The following GIGYF2 variants were observed in gnomAD, a reference collection of about 807,000 sequenced individuals.
The protein encoded by GIGYF2 is GRB10-interacting GYF protein 2.
In GIGYF2, 25 loss-of-function variants were observed where a neutral mutation model predicts 208.1. The observed-to-expected ratio is 0.12, with a 90% CI of 0.09 to 0.17. GIGYF2 has a LOEUF of 0.17. GIGYF2 is among the 10% of genes least tolerant of loss of function. The pLI, the probability that GIGYF2 is intolerant of heterozygous loss-of-function variation, is 1.00. For synonymous variants in GIGYF2, 534 were observed against 543.8 expected, an observed-to-expected ratio of 0.98 and a Z score of 0.25; for missense variants, 1,302 against 1,579.4, an observed-to-expected ratio of 0.82 and a Z score of 2.98.
chr2:232,735,349 T>G, intron 3 of GIGYF2, 111 bp downstream of exon 3: 1 of 772,510 alleles, frequency 1.3e-6, no homozygotes, highest in African/African-American at 1.7e-5. Flanking sequence ...AACTTTTGCT[T>G]TATGTGCCTC....
At chr2:232,794,986 C>A in intron 13 of GIGYF2, 42 bp downstream of exon 13, 2 of 1,407,330 alleles carry the variant, frequency 1.4e-6, no homozygotes, top group Non-Finnish European at 2.0e-6. Flanking sequence ...CTTAAACTGC[C>A]GTAAGAATTA....
At chr2:232,743,792 A>G (rs1698053602) in intron 3 of GIGYF2, among the ~76,000 whole-genome samples, 1 of 152,164 alleles carries the variant, frequency 6.6e-6, no homozygotes, top group Non-Finnish European at 1.5e-5. Flanking sequence ...AGTTTGCCTC[A>G]GTTTCTTTTC....
At chr2:232,764,093 A>G (rs1224227367) in intron 8 of GIGYF2, among the ~76,000 whole-genome samples, 1 of 152,176 alleles carries the variant, frequency 6.6e-6, no homozygotes, top group African/African-American at 2.4e-5. Flanking sequence ...ATTGTGAGGG[A>G]TATCTATGGA....
In GIGYF2 at chr2:232,858,724, T is replaced by TG. The variant is rs1225799368; in HGVS notation, c.*1866dup. 1.7e-5 allele frequency: 6 copies of TG among 355,838 alleles called. No individual in the cohort carries two copies. Among genetic ancestry groups the TG allele is most frequent in the South Asian group, 2.2e-5 (1 of 45,020 alleles). The allele number at this position is 355,838 out of a possible 1,614,324, so 22.0% of individuals were successfully genotyped here. On this transcript the variant is annotated 3_prime_UTR_variant, in exon 29 of 29. Coordinates refer to ENST00000373563, the MANE Select transcript of GIGYF2 (RefSeq NM_001103146.3). ...GGAAAAGCTCCAAGCACCCAAGACA[T>TG]GGAGGCAGCCATGGCTTCTTTCTCT...
chr2:232,717,430 A>G (rs1443756960), intron 2 of GIGYF2, among the ~76,000 whole-genome samples: 1 of 152,084 alleles, frequency 6.6e-6, no homozygotes, highest in East Asian at 1.9e-4. Flanking sequence ...TTTTGTAGTC[A>G]CCACTTAGAT....
intron 8 of GIGYF2, chr2:232,766,808 AAG>A (rs1328258029): frequency 1.3e-5 from 2 of 152,204 alleles, no homozygotes; most frequent in African/African-American, 4.8e-5. Flanking sequence ...TATTTATTTC[AAG>A]AGATGATTCC....
intron 3 of GIGYF2, among the ~76,000 whole-genome samples, chr2:232,736,900 A>C (rs1235489411): frequency 6.6e-6 from 1 of 152,228 alleles, no homozygotes. Flanking sequence ...GAAAGGGAAC[A>C]CCAGGAATTT....
At chr2:232,749,891 A>T (rs1698275819) in intron 5 of GIGYF2, among the ~76,000 whole-genome samples, 1 of 152,108 alleles carries the variant, frequency 6.6e-6, no homozygotes, top group Non-Finnish European at 1.5e-5. Flanking sequence ...ATTTTGAACG[A>T]CAAAAATGTT....
At position 232,847,499 on chromosome 2, in the gene GIGYF2, T is replaced by A. The variant is rs1559167921; in HGVS notation, c.3612T>A (p.Arg1204=). The A allele has an allele frequency of 6.3e-7, 1 of 1,582,102 alleles. No homozygotes were observed. Among genetic ancestry groups the A allele is most frequent in the Non-Finnish European group, 8.6e-7 (1 of 1,168,628 alleles). ...RRAKQKANQQ[R]QQQQLPQQQQ... ...CCAAACAGAAAGCCAACCAGCAGCG[T>A]CAGCAGCAGCAGCTGCCACAGCAGC... Residue 1204 remains arginine (R), a synonymous_variant, in exon 27 of 29, where the codon CGT becomes CGA. Coordinates refer to ENST00000373563, the MANE Select transcript of GIGYF2 (RefSeq NM_001103146.3).
rs78807642 is a variant in GIGYF2 at position 232,819,099 on chromosome 2, G to A, written c.2371-728G>A. On this transcript the variant is annotated intron_variant, in intron 20 of 28. Transcript: ENST00000373563. ...ACTCTTTTAATAGCCCCACAGTCTA[G>A]CCTTTACCACTTGTTGCCTACTTTT... 1.5e-4 allele frequency among the ~76,000 whole-genome samples: 23 copies of A among 151,902 alleles called. No homozygotes were observed. In the East Asian group the frequency reaches 4.3e-3, roughly 28 times the overall value.
At chr2:232,786,571 C>T (rs1038818197) in intron 8 of GIGYF2, among the ~76,000 whole-genome samples, 5 of 152,168 alleles carry the variant, frequency 3.3e-5, no homozygotes, top group East Asian at 3.8e-4. Flanking sequence ...GAATGAAAGA[C>T]GGCCTGAAAT....
rs1018372990 is a variant in GIGYF2, at chr2:232,704,401, T to TTTTG, written c.-44+928_-44+931dup. Among the ~76,000 whole-genome samples, 7 of 152,244 alleles carry TTTTG rather than the reference T, an allele frequency of 4.6e-5. No homozygotes were observed. The South Asian group carries it at 1.0e-3, about 23-fold the overall frequency. On this transcript the variant is annotated intron_variant, in intron 2 of 28. Transcript: ENST00000373563. ...CTTGTTGAAATTTATTAGTGCTGTTTTTTGTTTGTTTGTTTGTTTTTTAGA... is the reference window on the plus strand; with the variant it reads ...CTTGTTGAAATTTATTAGTGCTGTTTTTTGTTTGTTTGTTTGTTTGTTTTTTAGA...
intron 3 of GIGYF2, among the ~76,000 whole-genome samples, chr2:232,737,526 C>T (rs1013837445): frequency 7.2e-5 from 11 of 152,096 alleles, no homozygotes; most frequent in Non-Finnish European, 1.2e-4. Context: ...TTCCTTCTGG[C>T]AAAGGGAGTA....
chr2:232,786,096 T>C (rs868311437), intron 8 of GIGYF2, among the ~76,000 whole-genome samples: 2 of 152,254 alleles, frequency 1.3e-5, no homozygotes, highest in Non-Finnish European at 2.9e-5. Flanking sequence ...TTTAGTTTAC[T>C]TGGTATACCA....
chr2:232,708,460 GA>G (rs998084817), intron 2 of GIGYF2, among the ~76,000 whole-genome samples: 7 of 149,852 alleles, frequency 4.7e-5, no homozygotes, highest in African/African-American at 9.8e-5. Context: ...CAAGGAACTG[GA>G]AAAAAAAAGC....
chr2:232,741,932 C>G (rs1697981172), intron 3 of GIGYF2, among the ~76,000 whole-genome samples: 2 of 152,140 alleles, frequency 1.3e-5, no homozygotes, highest in South Asian at 4.1e-4. Flanking sequence ...TTAGCAAGGC[C>G]TTGAGGATCT....
intron 2 of GIGYF2, among the ~76,000 whole-genome samples, chr2:232,714,607 A>C (rs1696591126): frequency 6.6e-6 from 1 of 152,186 alleles, no homozygotes; most frequent in East Asian, 1.9e-4. Context: ...AGAAATGCAC[A>C]CACTGATGTA....
chr2:232,801,158 C>T (rs1700386976), intron 14 of GIGYF2, among the ~76,000 whole-genome samples: 1 of 152,174 alleles, frequency 6.6e-6, no homozygotes, highest in African/African-American at 2.4e-5. Flanking sequence ...CCTCTGCCAC[C>T]TTGGCCTCCC....
chr2:232,738,670 A>T (rs1407532929), intron 3 of GIGYF2, among the ~76,000 whole-genome samples: 9 of 152,188 alleles, frequency 5.9e-5, no homozygotes, highest in Admixed American at 5.9e-4. Context: ...ATATTTATTA[A>T]ATGGATGAAT....
Sources: allele counts gnomAD v4.1 joint callset (sites outside exome capture counted in the v4.1 genomes callset), GRCh38; gene constraint gnomAD v4.1.1; transcripts MANE v1.5; gene names NCBI Gene and HGNC (gene_info 2026-07-23, HGNC 2026-07-21).